FAM53B: variants seen among roughly 807,000 people sequenced by gnomAD.
FAM53B encodes family with sequence similarity 53 member B.
FAM53B carries 12 observed loss-of-function variants against 32.7 expected under a neutral mutation model. The observed-to-expected ratio is 0.37, with a 90% CI of 0.24 to 0.59. The LOEUF (loss-of-function observed/expected upper bound fraction) is 0.59, where lower values mean the gene tolerates loss of function less well. Ranked by LOEUF, FAM53B falls within the 20% of genes least tolerant of loss-of-function variation. The pLI, the probability that FAM53B is intolerant of heterozygous loss-of-function variation, is 0.72. For synonymous variants in FAM53B, 234 were observed against 228.7 expected, an observed-to-expected ratio of 1.02 and a Z score of -0.21; for missense variants, 477 against 577.7, an observed-to-expected ratio of 0.83 and a Z score of 1.79.
In FAM53B at chr10:124,620,355, G is replaced by GCACCCCCC. The variant is rs139972068; in HGVS notation, c.*2886_*2887insGGGGGGTG. 7.7e-6 allele frequency: 1 copy of GCACCCCCC among 130,714 alleles called. No individual in the cohort carries two copies. Among genetic ancestry groups the GCACCCCCC allele is most frequent in the African/African-American group, 2.9e-5 (1 of 33,938 alleles). The allele number at this position is 130,714 out of a possible 1,614,324, so 8.1% of individuals were successfully genotyped here. A position where few individuals can be genotyped will look rare whatever the true frequency, so the allele number is the denominator to read the frequency against. ...ATGAGTGGGGTGCATGTGGCACTAA[G>GCACCCCCC]CCCCCCCCACCGCCCCGGCTTTCCT... is the stretch of plus-strand genomic sequence containing the variant. On this transcript the variant is annotated 3_prime_UTR_variant, in exon 5 of 5. Coordinates refer to ENST00000337318, the MANE Select transcript of FAM53B (RefSeq NM_014661.4).
intron 1 of FAM53B, among the ~76,000 whole-genome samples, chr10:124,732,042 T>TGG (rs1370339850): frequency 6.6e-6 from 1 of 152,182 alleles, no homozygotes; most frequent in Non-Finnish European, 1.5e-5. Flanking sequence ...GAGGGCAACC[T>TGG]GGGATTGCTG....
chr10:124,661,074 A>C lies in FAM53B; in HGVS notation c.906+20533T>G, dbSNP rs954411000. 2.6e-5 allele frequency among the ~76,000 whole-genome samples: 4 copies of C among 151,516 alleles called. No homozygotes were observed. The South Asian group carries it at 6.3e-4, about 24-fold the overall frequency. On this transcript the variant is annotated intron_variant, in intron 4 of 4. Coordinates refer to ENST00000337318, the MANE Select transcript of FAM53B (RefSeq NM_014661.4). The stretch of plus-strand genomic sequence containing the variant: ...CTGAAATTAAAAAAAAAAAAAAAAA[A>C]AAACAGGCAATGGAAGGATCTGGCC...
chr10:124,702,508 G>A (rs886169612), intron 2 of FAM53B, among the ~76,000 whole-genome samples: 39 of 152,214 alleles, frequency 2.6e-4, no homozygotes, highest in Non-Finnish European at 4.6e-4. Flanking sequence ...CCAAGGCCTG[G>A]AGGGGCTCCA....
intron 4 of FAM53B, among the ~76,000 whole-genome samples, chr10:124,681,184 A>T (rs1340533436): frequency 6.6e-6 from 1 of 152,004 alleles, no homozygotes; most frequent in African/African-American, 2.4e-5. Context: ...ATTACCCACA[A>T]CCCTGATCTC....
intron 4 of FAM53B, among the ~76,000 whole-genome samples, chr10:124,653,410 G>C (rs1424073404): frequency 6.6e-6 from 1 of 152,194 alleles, no homozygotes; most frequent in Non-Finnish European, 1.5e-5. Flanking sequence ...ACTCAACAGG[G>C]GCATCTCACA....
intron 1 of FAM53B, among the ~76,000 whole-genome samples, chr10:124,737,002 T>A (rs979349962): frequency 3.9e-5 from 6 of 152,214 alleles, no homozygotes; most frequent in African/African-American, 1.4e-4. Context: ...CTGGGCCAAG[T>A]TCAAATCCCA....
intron 4 of FAM53B, among the ~76,000 whole-genome samples, chr10:124,672,877 T>C (rs933224175): frequency 1.3e-5 from 2 of 152,172 alleles, no homozygotes; most frequent in Non-Finnish European, 2.9e-5. Flanking sequence ...AAATAGGTCA[T>C]GGTGATCCAC....
intron 1 of FAM53B, among the ~76,000 whole-genome samples, chr10:124,741,298 G>C (rs1393281109): frequency 6.6e-6 from 1 of 152,162 alleles, no homozygotes. Context: ...TTAAGGACAA[G>C]AACAGAAGAG....
At chr10:124,636,460 C>T (rs1264745946) in intron 4 of FAM53B, among the ~76,000 whole-genome samples, 1 of 152,234 alleles carries the variant, frequency 6.6e-6, no homozygotes, top group Non-Finnish European at 1.5e-5. Context: ...CTGTGCCAGA[C>T]GCCTGCATGT....
At chr10:124,647,982 G>A (rs1362768716) in intron 4 of FAM53B, among the ~76,000 whole-genome samples, 3 of 152,246 alleles carry the variant, frequency 2.0e-5, no homozygotes, top group African/African-American at 7.2e-5. Context: ...AGTGGGTGTG[G>A]GCACGGGGAG....
chr10:124,678,292 G>A (rs1949749000), intron 4 of FAM53B, among the ~76,000 whole-genome samples: 1 of 152,182 alleles, frequency 6.6e-6, no homozygotes, highest in African/African-American at 2.4e-5. Flanking sequence ...AATGCACTGG[G>A]GGGAGTGTGT....
chr10:124,729,544 C>T (rs184803670), intron 1 of FAM53B, among the ~76,000 whole-genome samples: 2 of 152,294 alleles, frequency 1.3e-5, no homozygotes, highest in East Asian at 3.9e-4. Flanking sequence ...CTGAAAAGTC[C>T]TCCTGGTATG....
At chr10:124,674,146 C>T (rs1949723585) in intron 4 of FAM53B, among the ~76,000 whole-genome samples, 1 of 152,224 alleles carries the variant, frequency 6.6e-6, no homozygotes, top group African/African-American at 2.4e-5. Flanking sequence ...AGCAGCACCG[C>T]TCAACAACTC....
rs913186998 is a variant in FAM53B at position 124,624,576 on chromosome 10, C to T, written c.907-972G>A. Among the ~76,000 whole-genome samples the T allele has an allele frequency of 5.3e-5, 8 of 152,224 alleles. No individual in the cohort carries two copies. The South Asian group carries it at 8.3e-4, about 16-fold the overall frequency. On this transcript the variant is annotated intron_variant, in intron 4 of 4. Coordinates refer to ENST00000337318, the MANE Select transcript of FAM53B (RefSeq NM_014661.4). ...CTTCTCCGCTCACCAAGTGTGCTCC[C>T]TCTGTGTGCTCCCAGGCACCAAGTG...
In FAM53B at chr10:124,682,394, A is replaced by C; in HGVS notation, c.134-15T>G. ...TCTGTCATTTTCTGGTTCATAAATG[A>C]CAAGGAGAAAACAGGATTTGAGAAG... On this transcript the variant is annotated splice_polypyrimidine_tract_variant and intron_variant, in intron 3 of 4. Coordinates refer to ENST00000337318, the MANE Select transcript of FAM53B (RefSeq NM_014661.4). This position sits in a 1 kb window ranked among gnomAD's most constrained non-coding sequence, Gnocchi z 5.2. The C allele has an allele frequency of 6.3e-7, 1 of 1,583,074 alleles. No individual in the cohort carries two copies. Among genetic ancestry groups the C allele is most frequent in the Non-Finnish European group, 8.6e-7 (1 of 1,163,286 alleles).
rs935626963 is a variant in FAM53B, at chr10:124,681,848, C to A, written c.665G>T (p.Arg222Leu). 6.2e-7 allele frequency: 1 copy of A among 1,612,456 alleles called. No individual in the cohort carries two copies. Among genetic ancestry groups the A allele is most frequent in the Admixed American group, 1.7e-5 (1 of 59,830 alleles). ...AGAGAGGGACCGCTGCAGGTCCAGC[C>A]GGCCTCCTCCCACGGGGTGCAGGTC... ...SPDLHPVGGG[R>L]LDLQRSLSCS... is the part of the protein sequence containing the mutation. The change falls in exon 4 of 5, where the codon CGG becomes CTG. Residue 222 changes from arginine (R) to leucine (L), a missense_variant. This residue lies in a region of FAM53B where 312 missense variants were observed against 420.2 expected (regional missense o/e 0.74). Coordinates refer to ENST00000337318, the MANE Select transcript of FAM53B (RefSeq NM_014661.4).
At chr10:124,677,653 T>C (rs1442842339) in intron 4 of FAM53B, among the ~76,000 whole-genome samples, 12 of 152,234 alleles carry the variant, frequency 7.9e-5, no homozygotes, top group African/African-American at 2.9e-4. Flanking sequence ...TCATTCAGCA[T>C]CTCTGCCTGC....
intron 4 of FAM53B, among the ~76,000 whole-genome samples, chr10:124,642,203 G>A (rs1949480274): frequency 6.6e-6 from 1 of 152,234 alleles, no homozygotes; most frequent in East Asian, 1.9e-4. Flanking sequence ...CTCAAGAACA[G>A]TAGCCCTCCC....
chr10:124,716,310 G>A (rs1016048701), intron 1 of FAM53B, among the ~76,000 whole-genome samples: 1 of 152,208 alleles, frequency 6.6e-6, no homozygotes, highest in African/African-American at 2.4e-5. Flanking sequence ...GCCCCTGGCT[G>A]AACAAAGTGG....
Sources: allele counts gnomAD v4.1 joint callset (sites outside exome capture counted in the v4.1 genomes callset), GRCh38; gene constraint gnomAD v4.1.1; regional missense constraint gnomAD v4.1.1; non-coding constraint Gnocchi (gnomAD v3.1); transcripts MANE v1.5; gene names NCBI Gene and HGNC (gene_info 2026-07-23, HGNC 2026-07-21).